Variants in WWOX observed in about 807,000 individuals in gnomAD.
The protein encoded by WWOX is WW domain-containing oxidoreductase.
WWOX carries 69 observed loss-of-function variants against 46.2 expected under a neutral mutation model. The observed-to-expected ratio is 1.49, with a 90% CI of 1.23 to 1.82. WWOX has a LOEUF of 1.82. Among genes scored for constraint, WWOX ranks in the 40% most tolerant of loss-of-function variants. WWOX has a pLI of 0.00. For missense variants in WWOX, 919 were observed against 542.6 expected (o/e 1.69, Z -6.89); for synonymous variants, 359 against 202.6 (o/e 1.77, Z -6.56).
intron 8 of WWOX, among the ~76,000 whole-genome samples, chr16:78,876,609 A>G (rs1208031454): frequency 6.6e-6 from 1 of 152,028 alleles, no homozygotes; most frequent in Non-Finnish European, 1.5e-5. Flanking sequence ...TGCTTTGGAT[A>G]ATTTTCAAAG....
intron 5 of WWOX, among the ~76,000 whole-genome samples, chr16:78,326,656 A>T (rs2080630505): frequency 6.9e-6 from 1 of 143,982 alleles, no homozygotes; most frequent in East Asian, 2.1e-4. Flanking sequence ...ATTTTCTGGC[A>T]TACAGCATAT....
chr16:78,712,759 A>G (rs1332817999), intron 8 of WWOX, among the ~76,000 whole-genome samples: 1 of 152,192 alleles, frequency 6.6e-6, no homozygotes, highest in Non-Finnish European at 1.5e-5. Context: ...GTGAAATGAT[A>G]TGATAACTAA....
intron 8 of WWOX, among the ~76,000 whole-genome samples, chr16:79,043,748 G>A (rs144165622): frequency 1.6e-4 from 25 of 152,316 alleles, no homozygotes; most frequent in African/African-American, 5.5e-4. Flanking sequence ...GATCCAGGCT[G>A]AAATGATATT....
At chr16:78,454,671 A>AT (rs2083774596) in intron 8 of WWOX, among the ~76,000 whole-genome samples, 4 of 142,860 alleles carry the variant, frequency 2.8e-5, no homozygotes, top group South Asian at 2.2e-4. Context: ...ATACCTGGGG[A>AT]ATTTTTTTTT....
chr16:79,096,289 G>A (rs950765371), intron 8 of WWOX, among the ~76,000 whole-genome samples: 3 of 152,000 alleles, frequency 2.0e-5, no homozygotes, highest in South Asian at 2.1e-4. Flanking sequence ...CTCCTGCTCC[G>A]AACTTTCTGA....
intron 6 of WWOX, among the ~76,000 whole-genome samples, chr16:78,388,796 C>G (rs990637634): frequency 2.0e-5 from 3 of 151,774 alleles, no homozygotes; most frequent in Non-Finnish European, 4.4e-5. Context: ...AAGGTAAAAC[C>G]CCGTCTCTAC....
chr16:78,490,569 G>C (rs916224502), intron 8 of WWOX, among the ~76,000 whole-genome samples: 1 of 152,184 alleles, frequency 6.6e-6, no homozygotes, highest in Non-Finnish European at 1.5e-5. Context: ...TGGGACGGAG[G>C]AGAAAGAAGA....
chr16:78,645,329 A>G (rs1430802987), intron 8 of WWOX, among the ~76,000 whole-genome samples: 1 of 151,978 alleles, frequency 6.6e-6, no homozygotes, highest in African/African-American at 2.4e-5. Context: ...TTAACAAATG[A>G]CCACCCATGG....
chr16:79,197,753 A>G (rs949972687), intron 8 of WWOX, among the ~76,000 whole-genome samples: 1 of 152,108 alleles, frequency 6.6e-6, no homozygotes, highest in African/African-American at 2.4e-5. Flanking sequence ...TGAAAACACA[A>G]ACACCCAGGA....
At chr16:78,327,789 C>G (rs534208389) in intron 5 of WWOX, among the ~76,000 whole-genome samples, 1 of 151,014 alleles carries the variant, frequency 6.6e-6, no homozygotes. Context: ...GTACAAAGTG[C>G]TTCTGCAAAG....
chr16:78,973,778 T>G (rs1361696537), intron 8 of WWOX, among the ~76,000 whole-genome samples: 1 of 152,220 alleles, frequency 6.6e-6, no homozygotes, highest in Admixed American at 6.5e-5. Context: ...ATGACACAAG[T>G]TTCTGTGCTG....
intron 4 of WWOX, among the ~76,000 whole-genome samples, chr16:78,150,350 T>G (rs2151719524): frequency 6.6e-6 from 1 of 152,250 alleles, no homozygotes; most frequent in Non-Finnish European, 1.5e-5. Flanking sequence ...CTGGAAGCTC[T>G]CCAAACCCTA....
intron 5 of WWOX, among the ~76,000 whole-genome samples, chr16:78,274,645 A>T (rs1354467730): frequency 6.6e-6 from 1 of 152,064 alleles, no homozygotes; most frequent in Non-Finnish European, 1.5e-5. Context: ...TGTCTTAGAG[A>T]CAGGGGTTAT....
At chr16:78,620,390 G>T (rs181419967) in intron 8 of WWOX, among the ~76,000 whole-genome samples, 26 of 152,276 alleles carry the variant, frequency 1.7e-4, no homozygotes, top group Admixed American at 1.6e-3. Context: ...CAACAGACTC[G>T]TGTAGAAGTT....
chr16:78,682,992 T>G (rs367596086), intron 8 of WWOX, among the ~76,000 whole-genome samples: 2 of 152,152 alleles, frequency 1.3e-5, no homozygotes, highest in Non-Finnish European at 2.9e-5. Flanking sequence ...TTCTAAGATG[T>G]GAGATTTCAA....
chr16:79,067,538 C>G (rs2048464388), intron 8 of WWOX, among the ~76,000 whole-genome samples: 1 of 150,976 alleles, frequency 6.6e-6, no homozygotes, highest in Non-Finnish European at 1.5e-5. Context: ...TCACTAGAGA[C>G]CTTCCCTGAC....
chr16:78,309,142 T>C (rs1440438660), intron 5 of WWOX, among the ~76,000 whole-genome samples: 1 of 152,222 alleles, frequency 6.6e-6, no homozygotes, highest in Non-Finnish European at 1.5e-5. Flanking sequence ...CCAAATCTCA[T>C]CTTGAATTGT....
intron 8 of WWOX, among the ~76,000 whole-genome samples, chr16:78,856,440 C>G (rs953173844): frequency 6.6e-6 from 1 of 152,108 alleles, no homozygotes; most frequent in East Asian, 1.9e-4. Context: ...GTCAAGAGTT[C>G]GAGACCAGCC....
intron 2 of WWOX, among the ~76,000 whole-genome samples, 189 bp downstream of exon 2, chr16:78,108,676 G>C (rs867596993): frequency 1.3e-5 from 2 of 152,168 alleles, no homozygotes; most frequent in Admixed American, 1.3e-4. Flanking sequence ...GAGTGAGGAT[G>C]ATTTCTTACT....
Sources: gnomAD v4.1 joint callset for allele counts (sites outside exome capture counted in the v4.1 genomes callset) on GRCh38, gnomAD v4.1.1 for gene constraint, MANE v1.5 for transcripts, NCBI Gene and HGNC (gene_info 2026-07-23, HGNC 2026-07-21) for gene names.